GALNT11: variants seen among roughly 807,000 people sequenced by gnomAD.
The protein encoded by GALNT11 is polypeptide N-acetylgalactosaminyltransferase 11.
Under a neutral mutation model 72.7 loss-of-function variants are expected in GALNT11, and 47 were observed. The ratio of observed to expected loss-of-function variants is 0.65; its 90% CI spans 0.51 to 0.82. The LOEUF (loss-of-function observed/expected upper bound fraction) is 0.82, where lower values mean the gene tolerates loss of function less well. Among genes scored for constraint, GALNT11 ranks in the 40% least tolerant of loss-of-function variants. The probability of loss-of-function intolerance (pLI) is 0.00; values close to 1 mark genes in which losing one functional copy is unlikely to be tolerated. For missense variants in GALNT11, 677 were observed against 778.4 expected, an observed-to-expected ratio of 0.87 and a Z score of 1.55; for synonymous variants, 270 against 286.6, an observed-to-expected ratio of 0.94 and a Z score of 0.58.
In GALNT11 at chr7:152,045,418, G is replaced by A. The variant is rs188601264; in HGVS notation, c.-39+19534G>A. Among the ~76,000 whole-genome samples the A allele has an allele frequency of 2.6e-3, 403 of 152,210 alleles. 3 individuals are homozygous for A. Among genetic ancestry groups the A allele is most frequent in the African/African-American group, 9.3e-3 (387 of 41,536 alleles). On this transcript the variant is annotated intron_variant, in intron 1 of 11. Coordinates refer to ENST00000430044, the MANE Select transcript of GALNT11 (RefSeq NM_022087.4). The stretch of plus-strand genomic sequence containing the variant: ...AGCATTGAAGCCATTAGGTCCTGGG[G>A]TTTTCCTTGCTGGGAGACTTTTTAT...
At chr7:152,050,325 G>T (rs1049388714) in intron 1 of GALNT11, among the ~76,000 whole-genome samples, 1 of 152,130 alleles carries the variant, frequency 6.6e-6, no homozygotes, top group Non-Finnish European at 1.5e-5. Context: ...TATTCAGCAG[G>T]TGATAAATCC....
chr7:152,072,576 AATT>A (rs1406953893), intron 1 of GALNT11, among the ~76,000 whole-genome samples: 1 of 152,226 alleles, frequency 6.6e-6, no homozygotes, highest in Non-Finnish European at 1.5e-5. Flanking sequence ...TCCTTAGTCA[AATT>A]ATTCGTGCTG....
At chr7:152,105,485 C>T (rs2087440789) in intron 5 of GALNT11, 115 bp downstream of exon 5, 1 of 1,434,230 alleles carries the variant, frequency 7.0e-7, no homozygotes. Context: ...CGGACATTGC[C>T]AGCAGGAGAG....
rs2089365073 is a variant in GALNT11 at position 152,120,893 on chromosome 7, A to AGAG, written c.1621_1623dup (p.Glu541dup). On this transcript the variant is annotated inframe_insertion, in exon 11 of 12. Transcript: ENST00000430044. ...ATAGTCTCCTTTGTCTAGATATGTC[A>AGAG]GAGACTCGCTCATCAGACCCGCCAC... 1 of 1,613,536 alleles carries AGAG rather than the reference A, an allele frequency of 6.2e-7. No individual in the cohort carries two copies. Among genetic ancestry groups the AGAG allele is most frequent in the Admixed American group, 1.7e-5 (1 of 59,988 alleles).
intron 1 of GALNT11, among the ~76,000 whole-genome samples, chr7:152,076,694 G>A (rs1224478249): frequency 6.6e-6 from 1 of 152,202 alleles, no homozygotes; most frequent in Non-Finnish European, 1.5e-5. Context: ...AGAAGCCAGA[G>A]ATACAGGTAC....
At chr7:152,118,995 GA>G (rs1232703677) in intron 10 of GALNT11, 2 of 371,882 alleles carry the variant, frequency 5.4e-6, no homozygotes, top group East Asian at 4.4e-5. Flanking sequence ...ATTTTTCACC[GA>G]AAAAAACTGC....
intron 1 of GALNT11, among the ~76,000 whole-genome samples, chr7:152,077,209 T>G (rs774501280): frequency 7.2e-5 from 11 of 152,210 alleles, no homozygotes; most frequent in Non-Finnish European, 1.3e-4. Context: ...GCCTTGTGCT[T>G]CCGATAATGG....
chr7:152,111,018 C>T (rs568952147), intron 7 of GALNT11, among the ~76,000 whole-genome samples: 1 of 151,982 alleles, frequency 6.6e-6, no homozygotes, highest in African/African-American at 2.4e-5. Context: ...ACAAATTGTC[C>T]TTAATGAATG....
chr7:152,099,457 G>A (rs1479865800), intron 2 of GALNT11, among the ~76,000 whole-genome samples: 1 of 148,760 alleles, frequency 6.7e-6, no homozygotes, highest in Non-Finnish European at 1.5e-5. Context: ...TCTGCCTTCC[G>A]GGTTTAAGAG....
intron 8 of GALNT11, chr7:152,116,866 T>C: frequency 1.8e-6 from 1 of 552,490 alleles, no homozygotes; most frequent in Non-Finnish European, 3.4e-6. Context: ...AATTTGTAGG[T>C]TTCTCTGTTT....
intron 1 of GALNT11, among the ~76,000 whole-genome samples, chr7:152,038,482 C>T (rs1297833096): frequency 6.6e-6 from 1 of 152,338 alleles, no homozygotes; most frequent in Non-Finnish European, 1.5e-5. Context: ...GTTCCTTGCC[C>T]TCATTCCGGT....
At chr7:152,095,933 C>G (rs1047371943) in intron 2 of GALNT11, among the ~76,000 whole-genome samples, 2 of 152,114 alleles carry the variant, frequency 1.3e-5, no homozygotes, top group African/African-American at 4.8e-5. Context: ...GTTGCAGGTA[C>G]TAGATCAACA....
chr7:152,104,381 T>C (rs573560609), intron 4 of GALNT11: 1 of 152,290 alleles, frequency 6.6e-6, no homozygotes, highest in Non-Finnish European at 1.5e-5. Flanking sequence ...AGAGTTGGTA[T>C]ACCAGTATAC....
intron 1 of GALNT11, among the ~76,000 whole-genome samples, chr7:152,045,894 G>A (rs1212723768): frequency 6.6e-6 from 1 of 151,682 alleles, no homozygotes; most frequent in Non-Finnish European, 1.5e-5. Flanking sequence ...TGGTTTATTT[G>A]GAGTTTTTCT....
intron 5 of GALNT11, chr7:152,107,300 G>A (rs1178207228): frequency 6.7e-6 from 1 of 149,402 alleles, no homozygotes; most frequent in African/African-American, 2.4e-5. Context: ...AGCTTAAAAT[G>A]CAGAATAAAA....
chr7:152,065,604 T>A (rs1359353320), intron 1 of GALNT11, among the ~76,000 whole-genome samples: 1 of 152,218 alleles, frequency 6.6e-6, no homozygotes, highest in African/African-American at 2.4e-5. Context: ...GATGGTGACG[T>A]ACAGATGGGA....
intron 1 of GALNT11, among the ~76,000 whole-genome samples, chr7:152,073,461 TGTGA>T (rs1176088754): frequency 6.6e-6 from 1 of 152,264 alleles, no homozygotes; most frequent in Non-Finnish European, 1.5e-5. Flanking sequence ...TCCATGTTGC[TGTGA>T]GTGACAGGAT....
intron 1 of GALNT11, among the ~76,000 whole-genome samples, chr7:152,075,331 GT>G (rs1421795262): frequency 6.6e-6 from 1 of 152,170 alleles, no homozygotes; most frequent in Non-Finnish European, 1.5e-5. Flanking sequence ...TCACCACCTT[GT>G]TTTTAACTTG....
intron 1 of GALNT11, among the ~76,000 whole-genome samples, chr7:152,043,942 T>G (rs185343159): frequency 1.2e-4 from 18 of 152,354 alleles, no homozygotes; most frequent in Admixed American, 1.2e-3. Context: ...CCACAGGGAC[T>G]GCTTAAGAGT....
Sources: gnomAD v4.1 joint callset for allele counts (sites outside exome capture counted in the v4.1 genomes callset) on GRCh38, gnomAD v4.1.1 for gene constraint, MANE v1.5 for transcripts, NCBI Gene and HGNC (gene_info 2026-07-23, HGNC 2026-07-21) for gene names.